PIK3C2G: variants seen among roughly 807,000 people sequenced by gnomAD.
PIK3C2G encodes phosphatidylinositol-4-phosphate 3-kinase catalytic subunit type 2 gamma, also known as phosphatidylinositol 3-kinase C2 domain-containing subunit gamma.
A neutral mutation model predicts 181.1 loss-of-function variants in PIK3C2G; 168 were observed. That is an observed-to-expected ratio of 0.93 (90% CI 0.82 to 1.05). The LOEUF (loss-of-function observed/expected upper bound fraction) is 1.05. Ranked by LOEUF, PIK3C2G falls within the 50% of genes least tolerant of loss-of-function variation. PIK3C2G has a pLI of 0.00. For missense variants in PIK3C2G, 1,869 were observed against 1,732.8 expected, an observed-to-expected ratio of 1.08 and a Z score of -1.40; for synonymous variants, 573 against 592.2, an observed-to-expected ratio of 0.97 and a Z score of 0.47.
intron 29 of PIK3C2G, among the ~76,000 whole-genome samples, chr12:18,580,108 G>A (rs1655390927): frequency 6.7e-6 from 1 of 149,124 alleles, no homozygotes; most frequent in Non-Finnish European, 1.5e-5. Flanking sequence ...ACTCCAGCCT[G>A]GCAATAGAGT....
intron 31 of PIK3C2G, among the ~76,000 whole-genome samples, chr12:18,611,819 C>T (rs1157598077): frequency 1.3e-5 from 2 of 152,112 alleles, no homozygotes; most frequent in Non-Finnish European, 2.9e-5. Context: ...ACTTTCTCCT[C>T]CACTGCTTCC....
At chr12:18,345,429 A>G (rs1465065882) in intron 10 of PIK3C2G, among the ~76,000 whole-genome samples, 4 of 152,202 alleles carry the variant, frequency 2.6e-5, no homozygotes, top group Non-Finnish European at 5.9e-5. Flanking sequence ...TCTACCTTAT[A>G]TATTTTGTAC....
chr12:18,360,551 GT>G (rs1941146645), intron 11 of PIK3C2G, among the ~76,000 whole-genome samples: 1 of 152,110 alleles, frequency 6.6e-6, no homozygotes, highest in Admixed American at 6.5e-5. Context: ...TACAAAGCAG[GT>G]CTTGTAGTGA....
At chr12:18,311,428 C>A (rs1355146243) in intron 5 of PIK3C2G, among the ~76,000 whole-genome samples, 1 of 151,544 alleles carries the variant, frequency 6.6e-6, no homozygotes, top group Non-Finnish European at 1.5e-5. Flanking sequence ...ACACACACAC[C>A]TAAACAGTAT....
chr12:18,623,288 A>C (rs990021294), intron 31 of PIK3C2G, among the ~76,000 whole-genome samples: 6 of 151,720 alleles, frequency 4.0e-5, no homozygotes, highest in African/African-American at 1.4e-4. Flanking sequence ...CAACACCATT[A>C]ATTATAGAGG....
chr12:18,719,621 G>A, the PIK3C2G span: 2 of 1,598,200 alleles, frequency 1.3e-6, no homozygotes, highest in Non-Finnish European at 8.5e-7. Context: ...GACATTTGGT[G>A]TGCTTTCCTA....
chr12:18,595,575 T>C (rs954513951), intron 30 of PIK3C2G, among the ~76,000 whole-genome samples: 3 of 152,244 alleles, frequency 2.0e-5, no homozygotes, highest in East Asian at 3.9e-4. Flanking sequence ...GGGAGAACAA[T>C]TGAGGAATTT....
At chr12:18,482,209 CTTA>C (rs1939635965) in intron 18 of PIK3C2G, among the ~76,000 whole-genome samples, 2 of 136,772 alleles carry the variant, frequency 1.5e-5, no homozygotes, top group East Asian at 5.1e-4. Flanking sequence ...CAAGATCTAG[CTTA>C]GGAATAGAAG....
chr12:18,297,701 T>A (rs965624018), intron 5 of PIK3C2G, among the ~76,000 whole-genome samples: 5 of 151,950 alleles, frequency 3.3e-5, no homozygotes, highest in Admixed American at 1.3e-4. Context: ...CCCATACCCT[T>A]CCCAGGCTCT....
the PIK3C2G span, among the ~76,000 whole-genome samples, chr12:18,670,168 G>T: frequency 0.027 from 4,156 of 152,204 alleles, 198 homozygotes; most frequent in African/African-American, 0.095. Context: ...TTAGATAGAA[G>T]AAGTATGCTG....
intron 14 of PIK3C2G, among the ~76,000 whole-genome samples, chr12:18,388,282 T>C (rs531137465): frequency 9.9e-4 from 151 of 152,230 alleles, no homozygotes; most frequent in South Asian, 3.9e-3. Flanking sequence ...CTTTTTTTCT[T>C]TTTTATGAGA....
At chr12:18,434,922 T>G (rs2135785954) in intron 18 of PIK3C2G, among the ~76,000 whole-genome samples, 1 of 152,062 alleles carries the variant, frequency 6.6e-6, no homozygotes, top group East Asian at 1.9e-4. Flanking sequence ...AAAATGTCTT[T>G]GACTTTTGTC....
In PIK3C2G at chr12:18,346,654, G is replaced by C; in HGVS notation, c.1443G>C (p.Lys481Asn). Residue 481 changes from lysine to asparagine, a missense_variant, in exon 11 of 33, where the codon AAG (lysine) becomes AAC (asparagine). Physicochemically the swap from Lys to Asn is moderately conservative, Grantham distance 94. Transcript: ENST00000538779. ...SETSAKGLIE[K>N]VTTELSTSIY... ...CTTCCTTTCTAGGCTTGATAGAGAA[G>C]GTAACAACTGAACTATCCACATCCA... 2 of 1,603,644 alleles carry C rather than the reference G, an allele frequency of 1.2e-6. No individual in the cohort carries two copies. Among genetic ancestry groups the C allele is most frequent in the Non-Finnish European group, 1.7e-6 (2 of 1,173,626 alleles).
chr12:18,294,854 A>G (rs1017904091), intron 5 of PIK3C2G, among the ~76,000 whole-genome samples: 1 of 151,806 alleles, frequency 6.6e-6, no homozygotes, highest in African/African-American at 2.4e-5. Context: ...GTAAAAATGT[A>G]TTTCCTTTGA....
intron 10 of PIK3C2G, among the ~76,000 whole-genome samples, chr12:18,343,713 T>G (rs1347581549): frequency 6.6e-6 from 1 of 152,122 alleles, no homozygotes; most frequent in African/African-American, 2.4e-5. Flanking sequence ...TATTTTGATG[T>G]AAGAAAAATT....
chr12:18,546,370 A>C lies in PIK3C2G; in HGVS notation c.3528A>C (p.Lys1176Asn), dbSNP rs552965370. 6.2e-7 allele frequency: 1 copy of C among 1,602,328 alleles called. No homozygotes were observed. The highest frequency in any genetic ancestry group is 2.2e-5 in the East Asian group (1 of 44,478). ...LPELSGIQDL[K>N]YVYNNLRPQD... ...AGCTAAGTGGAATTCAAGACCTGAA[A>C]TATGTGTATAATAATCTTCGTCCAC... is the stretch of plus-strand genomic sequence containing the variant. The change falls in exon 26 of 33, where the codon AAA (lysine) becomes AAC (asparagine). Residue 1176 changes from lysine to asparagine, a missense_variant. Coordinates refer to ENST00000538779, the MANE Select transcript of PIK3C2G (RefSeq NM_001288772.2).
intron 16 of PIK3C2G, among the ~76,000 whole-genome samples, chr12:18,414,415 T>C (rs2135658060): frequency 6.6e-6 from 1 of 152,282 alleles, no homozygotes; most frequent in Admixed American, 6.5e-5. Context: ...GTTTTCATCC[T>C]TCTCATCTTT....
intron 13 of PIK3C2G, among the ~76,000 whole-genome samples, chr12:18,377,174 A>T (rs1231125289): frequency 6.6e-6 from 1 of 152,194 alleles, no homozygotes; most frequent in African/African-American, 2.4e-5. Context: ...AGCAATGGGC[A>T]CATAGAATAT....
At chr12:18,648,821 G>T (rs965856084), downstream of PIK3C2G, among the ~76,000 whole-genome samples, 12 of 152,056 alleles carry the variant, frequency 7.9e-5, no homozygotes, top group African/African-American at 2.9e-4. Flanking sequence ...CACCTGCACA[G>T]TGGGTAAAAT....
Sources: gnomAD v4.1 joint callset for allele counts (sites outside exome capture counted in the v4.1 genomes callset) on GRCh38, gnomAD v4.1.1 for gene constraint, MANE v1.5 for transcripts, NCBI Gene and HGNC (gene_info 2026-07-23, HGNC 2026-07-21) for gene names.